The following FGF14 variants were observed in gnomAD, a reference collection of about 807,000 sequenced individuals.
FGF14 encodes fibroblast growth factor homologous factor 4.
Under a neutral mutation model 25.5 loss-of-function variants are expected in FGF14, and 5 were observed. The ratio of observed to expected loss-of-function variants is 0.20; its 90% CI spans 0.10 to 0.41. The LOEUF (loss-of-function observed/expected upper bound fraction) is 0.41. Ranked by LOEUF, FGF14 falls within the 10% of genes least tolerant of loss-of-function variation. FGF14 has a pLI of 1.00. For missense variants in FGF14, 222 were observed against 320.1 expected (o/e 0.69, Z 2.34); for synonymous variants, 138 against 118.3 (o/e 1.17, Z -1.08).
intron 3 of FGF14, among the ~76,000 whole-genome samples, chr13:101,804,233 G>T (rs931418506): frequency 6.6e-6 from 1 of 152,126 alleles, no homozygotes; most frequent in Non-Finnish European, 1.5e-5. Context: ...CTTTTAGTTT[G>T]GGCTGGATGT....
At chr13:101,889,523 G>GA (rs755559187) in intron 1 of FGF14, among the ~76,000 whole-genome samples, 5 of 151,774 alleles carry the variant, frequency 3.3e-5, no homozygotes, top group South Asian at 2.1e-4. Flanking sequence ...ATAAATAAAT[G>GA]AAAAAAAATA....
intron 1 of FGF14, among the ~76,000 whole-genome samples, chr13:102,161,724 G>GAAT (rs1264947808): frequency 7.4e-5 from 11 of 149,596 alleles, no homozygotes; most frequent in Non-Finnish European, 1.3e-4. Context: ...AGAAGAAGAA[G>GAAT]AATAGAAATG....
chr13:101,742,397 C>G (rs1212901518), intron 3 of FGF14, among the ~76,000 whole-genome samples: 1 of 152,022 alleles, frequency 6.6e-6, no homozygotes. Flanking sequence ...GATGAAAAAC[C>G]AGTGATTATT....
At chr13:101,774,095 C>A (rs2038947738) in intron 3 of FGF14, among the ~76,000 whole-genome samples, 1 of 151,940 alleles carries the variant, frequency 6.6e-6, no homozygotes, top group Admixed American at 6.6e-5. Context: ...GTAACATAAG[C>A]AATTGCTACT....
chr13:102,200,280 C>T lies in FGF14; in HGVS notation c.208+201191G>A, dbSNP rs1029966256. 2.0e-5 allele frequency among the ~76,000 whole-genome samples: 3 copies of T among 152,128 alleles called. No individual in the cohort carries two copies. In the South Asian group the frequency reaches 6.2e-4, roughly 32 times the overall value. On this transcript the variant is annotated intron_variant, in intron 1 of 4. Transcript: ENST00000376131. ...ATATATATATAATTTTGTATACCCA[C>T]ATATAATAACTTTGAAAACTATAAA...
chr13:102,117,522 C>G (rs1433181366), intron 1 of FGF14, among the ~76,000 whole-genome samples: 2 of 151,828 alleles, frequency 1.3e-5, no homozygotes, highest in Non-Finnish European at 2.9e-5. Flanking sequence ...AGAAATTTAC[C>G]CTGAAGACAT....
chr13:102,254,960 T>C (rs2052365492), intron 1 of FGF14, among the ~76,000 whole-genome samples: 1 of 152,224 alleles, frequency 6.6e-6, no homozygotes, highest in African/African-American at 2.4e-5. Context: ...AGTCTCTAAA[T>C]CACTGATCAT....
intron 3 of FGF14, among the ~76,000 whole-genome samples, chr13:101,763,022 A>T (rs1470733956): frequency 6.6e-6 from 1 of 152,158 alleles, no homozygotes; most frequent in South Asian, 2.1e-4. Context: ...CATCTTTCAG[A>T]CCACTAACTG....
At chr13:101,811,038 C>CGCCCCA (rs78200012) in intron 3 of FGF14, among the ~76,000 whole-genome samples, 8 of 134,982 alleles carry the variant, frequency 5.9e-5, no homozygotes, top group Admixed American at 4.5e-4. Context: ...ATCCGCCCCC[C>CGCCCCA]CCGGCCCCCG....
chr13:102,202,159 T>C (rs1232336491), intron 1 of FGF14, among the ~76,000 whole-genome samples: 1 of 152,216 alleles, frequency 6.6e-6, no homozygotes, highest in African/African-American at 2.4e-5. Context: ...CCATGCTTCC[T>C]ATACAGCCTG....
intron 1 of FGF14, chr13:102,002,011 C>T (rs996664050): frequency 6.6e-6 from 1 of 152,146 alleles, no homozygotes; most frequent in Non-Finnish European, 1.5e-5. Context: ...GATCCAATTT[C>T]ATGATTAGGA....
At chr13:102,381,129 A>C (rs1240924987) in intron 1 of FGF14, among the ~76,000 whole-genome samples, 1 of 152,194 alleles carries the variant, frequency 6.6e-6, no homozygotes, top group Non-Finnish European at 1.5e-5. Flanking sequence ...AGTAAAAAAC[A>C]GGATGGTTGT....
chr13:102,256,717 C>T (rs2149866), intron 1 of FGF14, among the ~76,000 whole-genome samples: 99,168 of 152,048 alleles, frequency 0.65, 33,437 homozygotes, highest in African/African-American at 0.83. Context: ...CTAGTAATTG[C>T]TCATGCTAGA....
Position 101,721,303 on chromosome 13 carries a change from G to A in FGF14, c.*1528C>T, listed in dbSNP as rs2034965413. The A allele has an allele frequency of 6.6e-6, 1 of 152,124 alleles. No individual in the cohort carries two copies. Among genetic ancestry groups the A allele is most frequent in the African/African-American group, 2.4e-5 (1 of 41,426 alleles). The allele number at this position is 152,124 out of a possible 1,614,324, so 9.4% of individuals were successfully genotyped here. On this transcript the variant is annotated 3_prime_UTR_variant, in exon 5 of 5. Transcript: ENST00000376143. The stretch of plus-strand genomic sequence containing the variant: ...TGGAATCTTCATTGTGTAGTCAACT[G>A]TTCCTGGCCTTTCTTGGTAGTTGTC...
intron 1 of FGF14, among the ~76,000 whole-genome samples, chr13:101,971,937 C>T (rs1247122993): frequency 6.6e-6 from 1 of 152,250 alleles, no homozygotes; most frequent in East Asian, 1.9e-4. Context: ...ATGTTTTCCA[C>T]CACTGCGCTT....
At chr13:101,808,976 C>G (rs1442068277) in intron 3 of FGF14, among the ~76,000 whole-genome samples, 1 of 152,096 alleles carries the variant, frequency 6.6e-6, no homozygotes, top group Non-Finnish European at 1.5e-5. Flanking sequence ...TCATTTTACT[C>G]TCTTCCACTC....
intron 1 of FGF14, among the ~76,000 whole-genome samples, chr13:102,060,657 G>A (rs2042644448): frequency 6.6e-6 from 1 of 152,124 alleles, no homozygotes; most frequent in Non-Finnish European, 1.5e-5. Context: ...AATAAAAAAG[G>A]AGAAATTTAA....
At chr13:101,907,865 T>A (rs2032436052) in intron 1 of FGF14, among the ~76,000 whole-genome samples, 1 of 152,162 alleles carries the variant, frequency 6.6e-6, no homozygotes, top group African/African-American at 2.4e-5. Context: ...AGAGATGGTC[T>A]AATGCTAAAT....
In FGF14 at chr13:101,715,603, T is replaced by C; in HGVS notation, c.*7228A>G. 1 of 1,613,338 alleles carries C rather than the reference T, an allele frequency of 6.2e-7. No individual in the cohort carries two copies. The highest frequency in any genetic ancestry group is 8.5e-7 in the Non-Finnish European group (1 of 1,179,360). On this transcript the variant is annotated 3_prime_UTR_variant, in exon 5 of 5. Coordinates refer to ENST00000376143, the MANE Select transcript of FGF14 (RefSeq NM_004115.4). Reference sequence around the variant, plus strand: ...GCTGTGGAAACTGTGAATGCTGGGATGGATGGAATGGAAATGCATGTGAAA... The same window carrying C: ...GCTGTGGAAACTGTGAATGCTGGGACGGATGGAATGGAAATGCATGTGAAA...
Sources: gnomAD v4.1 joint callset for allele counts (sites outside exome capture counted in the v4.1 genomes callset) on GRCh38, gnomAD v4.1.1 for gene constraint, MANE v1.5 for transcripts, NCBI Gene and HGNC (gene_info 2026-07-23, HGNC 2026-07-21) for gene names.